The following SLC25A13 variants were observed in gnomAD, a reference collection of about 807,000 sequenced individuals.
The protein encoded by SLC25A13 is solute carrier family 25 member 13.
SLC25A13 carries 70 observed loss-of-function variants against 85.5 expected under a neutral mutation model. The ratio of observed to expected loss-of-function variants is 0.82; its 90% confidence interval spans 0.68 to 1.00. The LOEUF (loss-of-function observed/expected upper bound fraction) is 1.00. Ranked by LOEUF, SLC25A13 falls within the 50% of genes least tolerant of loss-of-function variation. The pLI is 0.00. For synonymous variants in SLC25A13, 259 were observed against 288.7 expected, an observed-to-expected ratio of 0.90 and a Z score of 1.04; for missense variants, 765 against 819.8, an observed-to-expected ratio of 0.93 and a Z score of 0.82.
At chr7:96,278,506 C>A (rs1798544590) in intron 2 of SLC25A13, among the ~76,000 whole-genome samples, 1 of 152,164 alleles carries the variant, frequency 6.6e-6, no homozygotes, top group South Asian at 2.1e-4. Context: ...CTGGACTGTG[C>A]CTCTTACCAC....
In SLC25A13 at chr7:96,308,769, G is replaced by A. The variant is rs1041544422; in HGVS notation, c.16-11818C>T. On this transcript the variant is annotated intron_variant, in intron 1 of 17. Transcript: ENST00000265631. Reference sequence around the variant, plus strand: ...AATATAAATCAGTTAAACAACAACTGAGAAGAAAAACAACAACAAAATTTG... The same window carrying A: ...AATATAAATCAGTTAAACAACAACTAAGAAGAAAAACAACAACAAAATTTG... Among the ~76,000 whole-genome samples, 4 of 152,122 alleles carry A rather than the reference G, an allele frequency of 2.6e-5. No homozygotes were observed. In the East Asian group the frequency reaches 7.7e-4, roughly 29 times the overall value.
At chr7:96,188,302 T>C (rs1224347352) in intron 9 of SLC25A13, among the ~76,000 whole-genome samples, 1 of 152,224 alleles carries the variant, frequency 6.6e-6, no homozygotes, top group Non-Finnish European at 1.5e-5. Flanking sequence ...CGTTAGAATT[T>C]ACTGAGCACA....
intron 3 of SLC25A13, among the ~76,000 whole-genome samples, chr7:96,266,105 C>T (rs150750877): frequency 6.6e-6 from 1 of 152,338 alleles, no homozygotes; most frequent in Non-Finnish European, 1.5e-5. Context: ...GCTGTTAAGA[C>T]ACCAGAAGTT....
At chr7:96,309,484 G>T (rs923961949) in intron 1 of SLC25A13, 3 of 152,204 alleles carry the variant, frequency 2.0e-5, no homozygotes, top group Non-Finnish European at 2.9e-5. Context: ...GTTGGGGGAT[G>T]GAGAGGATTG....
chr7:96,226,159 C>T (rs12155373), intron 4 of SLC25A13, among the ~76,000 whole-genome samples: 80,175 of 151,902 alleles, frequency 0.53, 22,586 homozygotes, highest in Non-Finnish European at 0.62. Context: ...AACTTTATGC[C>T]GGCTGATTAG....
At chr7:96,262,595 T>C (rs889909885) in intron 3 of SLC25A13, among the ~76,000 whole-genome samples, 3 of 152,136 alleles carry the variant, frequency 2.0e-5, no homozygotes, top group Non-Finnish European at 4.4e-5. Context: ...GAGCCTCTCA[T>C]GGAGGTTTTA....
At chr7:96,281,947 G>A (rs1214535906) in intron 2 of SLC25A13, among the ~76,000 whole-genome samples, 2 of 152,038 alleles carry the variant, frequency 1.3e-5, no homozygotes, top group Non-Finnish European at 2.9e-5. Flanking sequence ...TATGTATGAG[G>A]GTAGTGATAA....
At chr7:96,184,521 GAGAAA>G (rs1335571002) in intron 10 of SLC25A13, 86 bp from the exon 11 acceptor site, 1 of 1,247,152 alleles carries the variant, frequency 8.0e-7, no homozygotes, top group African/African-American at 1.5e-5. Context: ...GGACAAGACT[GAGAAA>G]AGAAATGTGT....
intron 11 of SLC25A13, among the ~76,000 whole-genome samples, chr7:96,172,101 A>G (rs1435080876): frequency 2.6e-5 from 4 of 152,198 alleles, no homozygotes; most frequent in Non-Finnish European, 5.9e-5. Flanking sequence ...TCTATGTAAG[A>G]AAGTCCACTC....
At chr7:96,193,809 A>G (rs1794951213) in intron 5 of SLC25A13, among the ~76,000 whole-genome samples, 1 of 152,144 alleles carries the variant, frequency 6.6e-6, no homozygotes, top group Non-Finnish European at 1.5e-5. Flanking sequence ...AACAATCAAA[A>G]ATGTCTCTGC....
At position 96,141,890 on chromosome 7, in the gene SLC25A13, T is replaced by A. The variant is rs147854945; in HGVS notation, c.1452+4666A>T. Reference sequence around the variant, plus strand: ...ACCTAACAACTTCAATGCTAGGAATTTATCTTTTCTAAGCAATCACAAAAG... The same window carrying A: ...ACCTAACAACTTCAATGCTAGGAATATATCTTTTCTAAGCAATCACAAAAG... On this transcript the variant is annotated intron_variant, in intron 14 of 17. Coordinates refer to ENST00000265631, the MANE Select transcript of SLC25A13 (RefSeq NM_014251.3). 5.3e-4 allele frequency among the ~76,000 whole-genome samples: 81 copies of A among 152,222 alleles called. 1 individual carries two copies. Among genetic ancestry groups the A allele is most frequent in the Non-Finnish European group, 8.8e-4 (60 of 68,020 alleles).
chr7:96,227,732 T>C (rs1796374525), intron 4 of SLC25A13, among the ~76,000 whole-genome samples: 1 of 152,196 alleles, frequency 6.6e-6, no homozygotes. Flanking sequence ...GGGAAGAATC[T>C]TGACCTTTAC....
chr7:96,235,206 G>C (rs1308094486), intron 3 of SLC25A13, among the ~76,000 whole-genome samples: 2 of 152,108 alleles, frequency 1.3e-5, no homozygotes, highest in East Asian at 3.8e-4. Flanking sequence ...TCTTCCTTCA[G>C]GCATGTTTTT....
intron 13 of SLC25A13, among the ~76,000 whole-genome samples, chr7:96,158,639 G>A (rs540714167): frequency 1.3e-5 from 2 of 152,262 alleles, no homozygotes; most frequent in African/African-American, 4.8e-5. Context: ...TCTAAAATGC[G>A]TGCTTACACG....
chr7:96,137,369 G>T (rs1220861280), intron 14 of SLC25A13, among the ~76,000 whole-genome samples: 4 of 152,158 alleles, frequency 2.6e-5, no homozygotes, highest in Non-Finnish European at 1.5e-5. Context: ...GGGACTTTAG[G>T]GATATGGGTT....
At chr7:96,127,794 C>T (rs1373570756) in intron 15 of SLC25A13, among the ~76,000 whole-genome samples, 1 of 152,204 alleles carries the variant, frequency 6.6e-6, no homozygotes, top group African/African-American at 2.4e-5. Flanking sequence ...TTGCCTGAAA[C>T]TCCATCTAAA....
intron 4 of SLC25A13, among the ~76,000 whole-genome samples, chr7:96,230,918 C>T (rs542140306): frequency 6.6e-5 from 10 of 152,238 alleles, no homozygotes; most frequent in African/African-American, 2.2e-4. Context: ...AGACCAGCTT[C>T]GCCAACATGG....
chr7:96,155,253 G>T (rs764635666), intron 13 of SLC25A13, among the ~76,000 whole-genome samples: 5 of 152,136 alleles, frequency 3.3e-5, no homozygotes, highest in African/African-American at 1.2e-4. Context: ...TTCAGTGGCT[G>T]GTATGAGACT....
chr7:96,299,011 TAAC>T (rs1200795856), intron 1 of SLC25A13, among the ~76,000 whole-genome samples: 1 of 152,176 alleles, frequency 6.6e-6, no homozygotes, highest in Non-Finnish European at 1.5e-5. Context: ...TGGAAGTACA[TAAC>T]ACTTTTTTCA....
Sources: gnomAD v4.1 joint callset for allele counts (sites outside exome capture counted in the v4.1 genomes callset) on GRCh38, gnomAD v4.1.1 for gene constraint, MANE v1.5 for transcripts, NCBI Gene and HGNC (gene_info 2026-07-23, HGNC 2026-07-21) for gene names.